KDM2B: variants seen among roughly 807,000 people sequenced by gnomAD.
KDM2B encodes lysine-specific demethylase 2B.
Under a neutral mutation model 150.0 loss-of-function variants are expected in KDM2B, and 26 were observed. That is an observed-to-expected ratio of 0.17 (90% confidence interval 0.13 to 0.24). The LOEUF (loss-of-function observed/expected upper bound fraction) is 0.24. Among genes scored for constraint, KDM2B ranks in the 10% least tolerant of loss-of-function variants. The pLI, the probability that KDM2B is intolerant of heterozygous loss-of-function variation, is 1.00. For synonymous variants in KDM2B, 734 were observed against 729.5 expected, an observed-to-expected ratio of 1.01 and a Z score of -0.10; for missense variants, 1,265 against 1,816.9, an observed-to-expected ratio of 0.70 and a Z score of 5.52.
chr12:121,454,926 G>T (rs1555292432), intron 12 of KDM2B, among the ~76,000 whole-genome samples: 1 of 152,040 alleles, frequency 6.6e-6, no homozygotes, highest in African/African-American at 2.4e-5. Context: ...CTGCACCCTA[G>T]GGGCTTCCTA....
chr12:121,459,854 T>C (rs1226208365), intron 12 of KDM2B, among the ~76,000 whole-genome samples: 1 of 148,940 alleles, frequency 6.7e-6, no homozygotes, highest in Non-Finnish European at 1.5e-5. Flanking sequence ...AAAACTTTGG[T>C]GCTTTAAAGG....
At chr12:121,472,336 A>G (rs1880858133) in intron 12 of KDM2B, among the ~76,000 whole-genome samples, 1 of 152,244 alleles carries the variant, frequency 6.6e-6, no homozygotes, top group Admixed American at 6.5e-5. Flanking sequence ...GGAACTTTCT[A>G]ACCACTTAAC....
downstream of KDM2B, among the ~76,000 whole-genome samples, chr12:121,426,453 T>C (rs1449366184): frequency 4.5e-4 from 51 of 113,194 alleles, no homozygotes; most frequent in South Asian, 1.4e-3. Flanking sequence ...CTCCCCCCCC[T>C]TTTTTTTTTA....
intron 11 of KDM2B, among the ~76,000 whole-genome samples, chr12:121,497,106 G>T (rs1377093260): frequency 2.0e-5 from 3 of 152,000 alleles, no homozygotes; most frequent in African/African-American, 7.3e-5. Context: ...CAGCACAGTG[G>T]TCAAGAATGT....
intron 12 of KDM2B, among the ~76,000 whole-genome samples, chr12:121,458,704 G>A (rs1461640459): frequency 6.6e-6 from 1 of 152,154 alleles, no homozygotes; most frequent in Admixed American, 6.5e-5. Context: ...GGGAGGCTGA[G>A]GCAGGAGAAT....
intron 4 of KDM2B, among the ~76,000 whole-genome samples, chr12:121,562,769 C>T (rs577239513): frequency 6.6e-6 from 1 of 152,108 alleles, no homozygotes; most frequent in African/African-American, 2.4e-5. Context: ...AGTCCTGGCT[C>T]CACTGCCTAC....
chr12:121,511,673 C>T (rs1410779068), intron 10 of KDM2B, among the ~76,000 whole-genome samples: 6 of 152,204 alleles, frequency 3.9e-5, no homozygotes, highest in South Asian at 2.1e-4. Context: ...GCAGCAGTGG[C>T]TGCATGTATC....
the KDM2B span, among the ~76,000 whole-genome samples, chr12:121,412,228 ATCT>A: frequency 8.6e-3 from 1,077 of 124,946 alleles, 29 homozygotes; most frequent in African/African-American, 0.034. Flanking sequence ...TGCCCAACTA[ATCT>A]TTTTTTTTTT....
chr12:121,517,677 G>A lies in KDM2B; in HGVS notation c.1047+3308C>T, dbSNP rs185040362. ...GTAGAGATGGGGTTTCACCATGTTG[G>A]CCAGGCTGGTCTCGAACTCCTGACC... On this transcript the variant is annotated intron_variant, in intron 9 of 22. Coordinates refer to ENST00000377071, the MANE Select transcript of KDM2B (RefSeq NM_032590.5). 6.3e-3 allele frequency among the ~76,000 whole-genome samples: 961 copies of A among 151,824 alleles called. 5 individuals carry two copies. The highest frequency in any genetic ancestry group is 0.022 in the African/African-American group (923 of 41,406).
rs782674271 is a variant in KDM2B at position 121,509,636 on chromosome 12, G to T, written c.1578C>A (p.Ser526=). ...GGACACACTTCTTGTTCTCCGGGAG[G>T]GATTCCAGTTTCTCCACCAGAGCTT... is the stretch of plus-strand genomic sequence containing the variant. ...GLKALVEKLE[S]LPENKKCVPE... Residue 526 remains serine, a synonymous_variant, in exon 11 of 23, where the codon TCC becomes TCA. Transcript: ENST00000377071. 1 of 1,613,932 alleles carries T rather than the reference G, an allele frequency of 6.2e-7. No homozygotes were observed. The highest frequency in any genetic ancestry group is 8.5e-7 in the Non-Finnish European group (1 of 1,180,026).
At chr12:121,466,075 C>T (rs1452707612) in intron 12 of KDM2B, among the ~76,000 whole-genome samples, 4 of 152,012 alleles carry the variant, frequency 2.6e-5, no homozygotes, top group African/African-American at 7.3e-5. Flanking sequence ...CCACTTAATA[C>T]TACGTATAAT....
At chr12:121,534,695 G>T (rs78794423) in intron 6 of KDM2B, 105 bp from the exon 7 acceptor site, 2 of 765,628 alleles carry the variant, frequency 2.6e-6, no homozygotes, top group Non-Finnish European at 4.4e-6. Context: ...TATAAACGCT[G>T]ACGCTGGGGA....
intron 6 of KDM2B, among the ~76,000 whole-genome samples, chr12:121,547,642 T>A (rs1555310948): frequency 8.1e-6 from 1 of 123,640 alleles, no homozygotes; most frequent in African/African-American, 2.9e-5. Context: ...CTCCTTCCCC[T>A]TCCTTTTTTT....
chr12:121,487,235 G>A (rs1263117889), intron 12 of KDM2B, among the ~76,000 whole-genome samples: 2 of 152,124 alleles, frequency 1.3e-5, no homozygotes, highest in African/African-American at 4.8e-5. Flanking sequence ...TCTCTCAACG[G>A]GATTTTTCTG....
At chr12:121,531,348 G>A (rs782336931) in intron 8 of KDM2B, among the ~76,000 whole-genome samples, 2 of 152,210 alleles carry the variant, frequency 1.3e-5, no homozygotes, top group Admixed American at 6.5e-5. Flanking sequence ...GCACCCAGGT[G>A]TTGGAGGCCC....
At chr12:121,450,249 AGTTG>A in intron 13 of KDM2B, among the ~76,000 whole-genome samples, 1 of 151,664 alleles carries the variant, frequency 6.6e-6, no homozygotes, top group Non-Finnish European at 1.5e-5. Flanking sequence ...AGGAGGCAGA[AGTTG>A]CAGTGAGCCG....
intron 1 of KDM2B, chr12:121,580,376 C>T: frequency 1.0e-6 from 1 of 967,048 alleles, no homozygotes; most frequent in Non-Finnish European, 1.2e-6. Context: ...GTGGGGGCGG[C>T]GGCCCGAGGA....
At chr12:121,417,679 T>C in the KDM2B span, 12 of 1,614,072 alleles carry the variant, frequency 7.4e-6, no homozygotes, top group Non-Finnish European at 1.0e-5. This position sits in a 1 kb window ranked among gnomAD's most constrained non-coding sequence, Gnocchi z 5.0. Context: ...AATATACCCA[T>C]AGATACTTGT....
chr12:121,414,314 C>A, the KDM2B span, among the ~76,000 whole-genome samples: 3 of 152,340 alleles, frequency 2.0e-5, no homozygotes, highest in South Asian at 6.2e-4. Flanking sequence ...AGGACAAAGG[C>A]AAAAGCCTAT....
Sources: allele counts gnomAD v4.1 joint callset (sites outside exome capture counted in the v4.1 genomes callset), GRCh38; gene constraint gnomAD v4.1.1; non-coding constraint Gnocchi (gnomAD v3.1); transcripts MANE v1.5; gene names NCBI Gene and HGNC (gene_info 2026-07-23, HGNC 2026-07-21).